The following FER variants were observed in gnomAD, a reference collection of about 807,000 sequenced individuals.
FER encodes the protein tyrosine-protein kinase Fer.
Under a neutral mutation model 111.0 loss-of-function variants are expected in FER, and 63 were observed. The ratio of observed to expected loss-of-function variants is 0.57; its 90% CI spans 0.46 to 0.70. FER has a LOEUF of 0.70. Ranked by LOEUF, FER falls within the 30% of genes least tolerant of loss-of-function variation. The pLI is 0.00. For missense variants in FER, 914 were observed against 954.0 expected, an observed-to-expected ratio of 0.96 and a Z score of 0.55; for synonymous variants, 327 against 313.9, an observed-to-expected ratio of 1.04 and a Z score of -0.44.
intron 2 of FER, among the ~76,000 whole-genome samples, chr5:108,791,601 AT>A (rs1251714172): frequency 6.7e-6 from 1 of 149,618 alleles, no homozygotes; most frequent in Admixed American, 6.7e-5. Flanking sequence ...TATATATATG[AT>A]TTGTAAATAT....
At position 109,187,587 on chromosome 5, in the gene FER, C is replaced by T. The variant is rs369778570; in HGVS notation, c.*12C>T. ...GAAAACTCACATAGTGACAGGATGG[C>T]GCCAAACTCAGCCTTCAGGACTCTG... On this transcript the variant is annotated 3_prime_UTR_variant, in exon 20 of 20. Transcript: ENST00000281092. 397 of 1,613,808 alleles carry T rather than the reference C, an allele frequency of 2.5e-4. No individual in the cohort carries two copies. Among genetic ancestry groups the T allele is most frequent in the East Asian group, 6.0e-4 (27 of 44,850 alleles).
At chr5:109,107,467 C>T (rs1435853424) in intron 17 of FER, among the ~76,000 whole-genome samples, 2 of 151,958 alleles carry the variant, frequency 1.3e-5, no homozygotes, top group Non-Finnish European at 2.9e-5. Context: ...TCTTTTTCTG[C>T]TCCTCTCCCT....
At chr5:108,750,979 G>T (rs112828293) in intron 1 of FER, among the ~76,000 whole-genome samples, 10,253 of 152,188 alleles carry the variant, frequency 0.067, 427 homozygotes, top group South Asian at 0.086. Context: ...GATCACCTGA[G>T]GTCGGGAGTT....
intron 10 of FER, among the ~76,000 whole-genome samples, chr5:108,898,922 G>A (rs935636207): frequency 6.6e-6 from 1 of 151,904 alleles, no homozygotes; most frequent in Non-Finnish European, 1.5e-5. Flanking sequence ...AGGCTAAAAT[G>A]TCAAAAGTGC....
rs961713899 is a variant in FER at position 108,845,024 on chromosome 5, A to G, written c.481+9217A>G. ...TATATATATATATATATATATATAT[A>G]TATATATATATATATACATATATAT... is the stretch of plus-strand genomic sequence containing the variant. On this transcript the variant is annotated intron_variant, in intron 5 of 19. Coordinates refer to ENST00000281092, the MANE Select transcript of FER (RefSeq NM_005246.4). Among the ~76,000 whole-genome samples the G allele has an allele frequency of 9.8e-3, 512 of 52,086 alleles. 13 individuals carry two copies. Among genetic ancestry groups the G allele is most frequent in the African/African-American group, 0.03 (453 of 14,944 alleles). 34.2% of individuals were successfully genotyped at this position (52,086 alleles called of 152,430 possible). A position where few individuals can be genotyped will look rare whatever the true frequency, so the allele number is the denominator to read the frequency against.
chr5:109,074,467 A>G (rs1448531529), intron 16 of FER, among the ~76,000 whole-genome samples: 1 of 152,164 alleles, frequency 6.6e-6, no homozygotes, highest in Non-Finnish European at 1.5e-5. Context: ...AACTCAATAA[A>G]CTCTACCACA....
intron 17 of FER, among the ~76,000 whole-genome samples, chr5:109,118,792 T>C (rs562891033): frequency 1.3e-5 from 2 of 152,316 alleles, no homozygotes; most frequent in South Asian, 4.1e-4. Flanking sequence ...TTTATTTGCA[T>C]AGAGGTGTTT....
At chr5:109,010,700 T>C (rs537050436) in intron 13 of FER, among the ~76,000 whole-genome samples, 1 of 152,304 alleles carries the variant, frequency 6.6e-6, no homozygotes, top group Admixed American at 6.5e-5. Flanking sequence ...AACTAGATTA[T>C]TTTTGTACCT....
chr5:108,923,940 T>G (rs1753379487), intron 10 of FER, among the ~76,000 whole-genome samples: 1 of 152,144 alleles, frequency 6.6e-6, no homozygotes, highest in African/African-American at 2.4e-5. Flanking sequence ...TCTGCAAGGT[T>G]TTGTTTCAAG....
intron 16 of FER, among the ~76,000 whole-genome samples, chr5:109,082,989 C>T (rs529148656): frequency 6.6e-6 from 1 of 152,056 alleles, no homozygotes; most frequent in East Asian, 1.9e-4. Context: ...GAAAAAAAGG[C>T]AGAGGCAGTT....
chr5:109,119,725 A>G (rs909811997), intron 17 of FER, among the ~76,000 whole-genome samples: 1 of 152,018 alleles, frequency 6.6e-6, no homozygotes, highest in African/African-American at 2.4e-5. Context: ...GTATTAATTT[A>G]CATTCCTACA....
rs1267019538 is a variant in FER, at chr5:109,051,345, G to A, written c.1924+4147G>A. On this transcript the variant is annotated intron_variant, in intron 16 of 19. Transcript: ENST00000281092. ...CCAGGTCATCAGGCTGAGGCCTGCT[G>A]CTGGCACGACTGCTGGCTCTGCTTG... 41 of 1,608,352 alleles carry A rather than the reference G, an allele frequency of 2.5e-5. No individual in the cohort carries two copies. The East Asian group carries it at 2.7e-4, about 10-fold the overall frequency.
intron 16 of FER, among the ~76,000 whole-genome samples, chr5:109,085,725 T>G (rs1777492500): frequency 6.6e-6 from 1 of 151,700 alleles, no homozygotes; most frequent in Non-Finnish European, 1.5e-5. Flanking sequence ...GAAGTTCTAT[T>G]CTTTCCCTAG....
chr5:108,988,540 C>T (rs1035521619), intron 13 of FER, among the ~76,000 whole-genome samples: 3 of 151,846 alleles, frequency 2.0e-5, no homozygotes, highest in South Asian at 2.1e-4. Context: ...GGAATTTGTC[C>T]GTTTTCTCTA....
In FER at chr5:108,798,052, C is replaced by T. The variant is rs1455793252; in HGVS notation, c.-59-72C>T. ...TTTTTAACCCCAAAGAAGAATCTAT[C>T]ATAACTTTTTTTTTTTTGAAGACTA... On this transcript the variant is annotated intron_variant, in intron 2 of 19. Transcript: ENST00000281092. 228 of 557,048 alleles carry T rather than the reference C, an allele frequency of 4.1e-4. 1 individual carries two copies. The highest frequency in any genetic ancestry group is 4.0e-4 in the Middle Eastern group (1 of 2,490). 34.5% of individuals were successfully genotyped at this position (557,048 alleles called of 1,614,324 possible). A position where few individuals can be genotyped will look rare whatever the true frequency, so the allele number is the denominator to read the frequency against.
chr5:108,963,386 A>AC (rs1482048429), intron 13 of FER, among the ~76,000 whole-genome samples: 1 of 152,020 alleles, frequency 6.6e-6, no homozygotes, highest in Non-Finnish European at 1.5e-5. Flanking sequence ...AACAAGTGAA[A>AC]CCCCGTCTCT....
At chr5:108,977,754 A>AT (rs1291509751) in intron 13 of FER, among the ~76,000 whole-genome samples, 1 of 152,158 alleles carries the variant, frequency 6.6e-6, no homozygotes, top group South Asian at 2.1e-4. Flanking sequence ...TGGCTTTCAG[A>AT]TTTGTTACCT....
At chr5:108,858,813 T>G (rs1763248121) in intron 5 of FER, among the ~76,000 whole-genome samples, 1 of 151,602 alleles carries the variant, frequency 6.6e-6, no homozygotes, top group South Asian at 2.1e-4. Flanking sequence ...TGCTCGTTTT[T>G]TCATTCGTTT....
intron 16 of FER, among the ~76,000 whole-genome samples, chr5:109,070,768 A>G (rs1474891028): frequency 1.3e-5 from 2 of 152,044 alleles, no homozygotes; most frequent in African/African-American, 4.8e-5. Flanking sequence ...AAAAAGGACA[A>G]ATTTAGAAAT....
Sources: gnomAD v4.1 joint callset for allele counts (sites outside exome capture counted in the v4.1 genomes callset) on GRCh38, gnomAD v4.1.1 for gene constraint, MANE v1.5 for transcripts, NCBI Gene and HGNC (gene_info 2026-07-23, HGNC 2026-07-21) for gene names.